Variants in CARMIL1 observed in about 807,000 individuals in gnomAD.
CARMIL1 encodes capping protein regulator and myosin 1 linker 1, also known as F-actin-uncapping protein LRRC16A.
CARMIL1 carries 90 observed loss-of-function variants against 177.1 expected under a neutral mutation model. The ratio of observed to expected loss-of-function variants is 0.51; its 90% CI spans 0.43 to 0.61. The LOEUF is 0.61. Among genes scored for constraint, CARMIL1 ranks in the 20% least tolerant of loss-of-function variants. The pLI, the probability that CARMIL1 is intolerant of heterozygous loss-of-function variation, is 0.00. For missense variants in CARMIL1, 1,380 were observed against 1,667.0 expected, an observed-to-expected ratio of 0.83 and a Z score of 3.00; for synonymous variants, 577 against 606.2, an observed-to-expected ratio of 0.95 and a Z score of 0.71.
chr6:25,441,207 G>A (rs1156456980), intron 5 of CARMIL1, among the ~76,000 whole-genome samples: 1 of 151,530 alleles, frequency 6.6e-6, no homozygotes, highest in Non-Finnish European at 1.5e-5. Context: ...CCAACTAATG[G>A]GAGGATCACT....
intron 34 of CARMIL1, among the ~76,000 whole-genome samples, chr6:25,605,145 T>A (rs1040418): frequency 7.2e-5 from 11 of 151,888 alleles, no homozygotes; most frequent in Non-Finnish European, 1.3e-4. Context: ...AAATTCTGAC[T>A]GTTTTTTCAT....
At chr6:25,364,914 C>A (rs1375828414) in intron 2 of CARMIL1, among the ~76,000 whole-genome samples, 3 of 152,062 alleles carry the variant, frequency 2.0e-5, no homozygotes, top group African/African-American at 7.2e-5. Context: ...TATTAGTGGA[C>A]CAGGAAGCGA....
chr6:25,547,011 C>T (rs568932688), intron 26 of CARMIL1, among the ~76,000 whole-genome samples: 1 of 148,176 alleles, frequency 6.7e-6, no homozygotes, highest in Non-Finnish European at 1.5e-5. Flanking sequence ...GCCGAGATCA[C>T]GGCACCACTG....
chr6:25,333,177 G>A (rs1427935398), intron 2 of CARMIL1, among the ~76,000 whole-genome samples: 1 of 152,162 alleles, frequency 6.6e-6, no homozygotes, highest in East Asian at 1.9e-4. Flanking sequence ...GAATGCCAGC[G>A]CTTAAAGGTG....
At chr6:25,546,154 TA>T (rs1343388279) in intron 26 of CARMIL1, among the ~76,000 whole-genome samples, 2 of 152,096 alleles carry the variant, frequency 1.3e-5, no homozygotes, top group Non-Finnish European at 2.9e-5. Flanking sequence ...TTTTTTTAAA[TA>T]GGGGAAAATA....
chr6:25,373,615 G>T (rs375189259), intron 2 of CARMIL1, among the ~76,000 whole-genome samples: 1 of 141,962 alleles, frequency 7.0e-6, no homozygotes, highest in African/African-American at 2.7e-5. Flanking sequence ...ACAGAGTCTC[G>T]CTTTATCACC....
chr6:25,617,021 A>G (rs1215834724), intron 36 of CARMIL1, among the ~76,000 whole-genome samples: 1 of 152,202 alleles, frequency 6.6e-6, no homozygotes, highest in Non-Finnish European at 1.5e-5. Context: ...GAGTTTAATC[A>G]ATGGAGGTGA....
intron 35 of CARMIL1, among the ~76,000 whole-genome samples, chr6:25,608,136 C>T (rs574313489): frequency 2.6e-5 from 4 of 152,100 alleles, no homozygotes; most frequent in African/African-American, 9.7e-5. Flanking sequence ...AGAAATAGTT[C>T]TTATAGAATG....
At chr6:25,384,293 G>A (rs369238385) in intron 2 of CARMIL1, among the ~76,000 whole-genome samples, 16 of 152,340 alleles carry the variant, frequency 1.1e-4, no homozygotes, top group East Asian at 7.7e-4. Context: ...CGCAGCAACA[G>A]CACGTTTTGT....
At chr6:25,570,005 G>A (rs1562295416) in intron 29 of CARMIL1, among the ~76,000 whole-genome samples, 1 of 151,560 alleles carries the variant, frequency 6.6e-6, no homozygotes. Flanking sequence ...ACGGAGTCTC[G>A]CTCTGTGGCC....
At chr6:25,472,862 G>A (rs941181133) in intron 11 of CARMIL1, among the ~76,000 whole-genome samples, 1 of 152,176 alleles carries the variant, frequency 6.6e-6, no homozygotes, top group Non-Finnish European at 1.5e-5. Context: ...AGGAGTCTGG[G>A]TACGGGTTAG....
chr6:25,483,879 C>T (rs570167251), intron 12 of CARMIL1, among the ~76,000 whole-genome samples: 10 of 151,958 alleles, frequency 6.6e-5, no homozygotes, highest in Admixed American at 2.6e-4. Context: ...GCGATCCTCC[C>T]GCCTCAGCCC....
In CARMIL1 at chr6:25,509,371, CT is replaced by C. The variant is rs1805242160; in HGVS notation, c.1396-282del. ...ATTCTTCTGGGTTGATAATGCACTGCTTTGCTACTATAGTGGCGTGGGTGGT... is the reference window on the plus strand; with the variant it reads ...ATTCTTCTGGGTTGATAATGCACTGCTTGCTACTATAGTGGCGTGGGTGGT... On this transcript the variant is annotated intron_variant, in intron 17 of 36. Transcript: ENST00000329474. The surrounding 1 kb of genome is among the most constrained non-coding windows in gnomAD (Gnocchi z 4.1). 6.6e-6 allele frequency among the ~76,000 whole-genome samples: 1 copy of C among 152,112 alleles called. No homozygotes were observed. The highest frequency in any genetic ancestry group is 1.5e-5 in the Non-Finnish European group (1 of 68,008).
At chr6:25,602,852 G>A (rs931952771) in intron 33 of CARMIL1, among the ~76,000 whole-genome samples, 9 of 152,038 alleles carry the variant, frequency 5.9e-5, no homozygotes, top group Non-Finnish European at 8.8e-5. Flanking sequence ...ATATAAATAT[G>A]TTTAAAGAAA....
At chr6:25,334,444 T>C (rs907773311) in intron 2 of CARMIL1, among the ~76,000 whole-genome samples, 9 of 152,344 alleles carry the variant, frequency 5.9e-5, no homozygotes, top group African/African-American at 2.2e-4. Context: ...TGTTTTCTTC[T>C]ACCAACTGCT....
At chr6:25,447,680 G>C (rs1039906190) in intron 5 of CARMIL1, among the ~76,000 whole-genome samples, 1 of 151,790 alleles carries the variant, frequency 6.6e-6, no homozygotes. Context: ...ACATGACCTT[G>C]TCATCTCCTG....
intron 29 of CARMIL1, among the ~76,000 whole-genome samples, chr6:25,578,044 T>A (rs76781461): frequency 2.8e-4 from 43 of 152,336 alleles, no homozygotes; most frequent in Middle Eastern, 3.4e-3. Flanking sequence ...TTTTTTAAGA[T>A]AAGTTAATTT....
chr6:25,516,410 C>T (rs774378084), intron 21 of CARMIL1, among the ~76,000 whole-genome samples: 4 of 152,210 alleles, frequency 2.6e-5, no homozygotes, highest in African/African-American at 7.2e-5. Flanking sequence ...TGCCATCCAT[C>T]ATTCAGAGAG....
chr6:25,336,294 C>T (rs1562000697), intron 2 of CARMIL1, among the ~76,000 whole-genome samples: 1 of 152,138 alleles, frequency 6.6e-6, no homozygotes, highest in Admixed American at 6.5e-5. Context: ...GTTGTTGCAC[C>T]ATCCTATGAC....
Sources: gnomAD v4.1 joint callset for allele counts (sites outside exome capture counted in the v4.1 genomes callset) on GRCh38, gnomAD v4.1.1 for gene constraint, Gnocchi (gnomAD v3.1) non-coding constraint, MANE v1.5 for transcripts, NCBI Gene and HGNC (gene_info 2026-07-23, HGNC 2026-07-21) for gene names.